Variants in TMTC2 observed in about 807,000 individuals in gnomAD.
The protein encoded by TMTC2 is transmembrane O-mannosyltransferase targeting cadherins 2, also known as protein O-mannosyl-transferase TMTC2.
A neutral mutation model predicts 82.4 loss-of-function variants in TMTC2; 43 were observed. That is an observed-to-expected ratio of 0.52 (90% CI 0.41 to 0.67). The LOEUF is 0.67. Ranked by LOEUF, TMTC2 falls within the 30% of genes least tolerant of loss-of-function variation. TMTC2 has a pLI of 0.00. For missense variants in TMTC2, 919 were observed against 1,012.4 expected (o/e 0.91, Z 1.25); for synonymous variants, 408 against 381.9 (o/e 1.07, Z -0.80).
chr12:83,000,292 G>A (rs1879860924), intron 8 of TMTC2, among the ~76,000 whole-genome samples: 1 of 152,048 alleles, frequency 6.6e-6, no homozygotes, highest in South Asian at 2.1e-4. Flanking sequence ...ATGCCACCAT[G>A]CCTAGCAAAT....
Position 82,687,304 on chromosome 12 carries a change from G to C in TMTC2, c.-283G>C. On this transcript the variant is annotated 5_prime_UTR_variant, in exon 1 of 12. Transcript: ENST00000321196. ...GAAAGACCAGCCCTGCGCTTCCGCC[G>C]GGGGACGCGGAGCCCAAACGCCGCT... 2.0e-6 allele frequency: 1 copy of C among 508,684 alleles called. No individual in the cohort carries two copies. The highest frequency in any genetic ancestry group is 3.6e-6 in the Non-Finnish European group (1 of 279,360). 31.5% of individuals were successfully genotyped at this position (508,684 alleles called of 1,614,324 possible). A position where few individuals can be genotyped will look rare whatever the true frequency, so the allele number is the denominator to read the frequency against.
chr12:82,854,488 C>A (rs1871150480), intron 1 of TMTC2, among the ~76,000 whole-genome samples: 1 of 151,910 alleles, frequency 6.6e-6, no homozygotes. Flanking sequence ...GGGAGGGGTG[C>A]AGGGGAAGAA....
intron 4 of TMTC2, among the ~76,000 whole-genome samples, chr12:82,942,112 A>G (rs1592644739): frequency 6.6e-6 from 1 of 152,204 alleles, no homozygotes; most frequent in Non-Finnish European, 1.5e-5. Flanking sequence ...CTTTCTTCCT[A>G]CCAAACCTTG....
chr12:82,703,417 T>C (rs1873177071), intron 1 of TMTC2, among the ~76,000 whole-genome samples: 1 of 152,050 alleles, frequency 6.6e-6, no homozygotes, highest in Admixed American at 6.6e-5. Context: ...AGAGGAGGGA[T>C]GATTCTAGGG....
chr12:82,735,974 C>T (rs1380727486), intron 1 of TMTC2, among the ~76,000 whole-genome samples: 2 of 15,106 alleles, frequency 1.3e-4, no homozygotes, highest in South Asian at 1.7e-3. Context: ...CTCCGTCACA[C>T]ACACACACAC....
intron 4 of TMTC2, among the ~76,000 whole-genome samples, chr12:82,960,046 G>C (rs755932218): frequency 2.0e-5 from 3 of 151,948 alleles, no homozygotes; most frequent in Non-Finnish European, 4.4e-5. Flanking sequence ...AGACATGAAA[G>C]CTGCCAACAA....
intron 2 of TMTC2, among the ~76,000 whole-genome samples, chr12:82,871,077 G>A (rs1872149361): frequency 6.6e-6 from 1 of 152,174 alleles, no homozygotes; most frequent in East Asian, 1.9e-4. Flanking sequence ...GTGGTAATGA[G>A]AACCACCATT....
chr12:82,690,336 A>G, intron 1 of TMTC2: 1 of 984,570 alleles, frequency 1.0e-6, no homozygotes, highest in Non-Finnish European at 1.2e-6. Context: ...CAGTTCTGTA[A>G]GGAGAGGCCA....
chr12:82,726,089 G>T (rs1038188251), intron 1 of TMTC2, among the ~76,000 whole-genome samples: 7 of 152,226 alleles, frequency 4.6e-5, no homozygotes, highest in Middle Eastern at 3.4e-3. Flanking sequence ...ATAAGGCAAA[G>T]AAACATGTTT....
chr12:82,931,610 T>G (rs568602761), intron 4 of TMTC2, among the ~76,000 whole-genome samples: 2 of 152,304 alleles, frequency 1.3e-5, no homozygotes, highest in South Asian at 4.1e-4. Context: ...TGGAAATTCC[T>G]GGGTTGACTA....
intron 7 of TMTC2, among the ~76,000 whole-genome samples, chr12:82,975,517 G>A (rs981587327): frequency 1.3e-5 from 2 of 152,154 alleles, no homozygotes; most frequent in African/African-American, 4.8e-5. Context: ...TTAATTATGG[G>A]AACGGGATTT....
intron 1 of TMTC2, among the ~76,000 whole-genome samples, chr12:82,813,664 G>A (rs1868525620): frequency 6.6e-6 from 1 of 151,994 alleles, no homozygotes; most frequent in Admixed American, 6.6e-5. Context: ...ACTGGCATGG[G>A]AAATTTCTTG....
intron 9 of TMTC2, among the ~76,000 whole-genome samples, chr12:83,045,124 C>A (rs2137446361): frequency 6.6e-6 from 1 of 152,164 alleles, no homozygotes; most frequent in East Asian, 1.9e-4. Flanking sequence ...TGAAACAGTT[C>A]AATACAAAAC....
intron 1 of TMTC2, among the ~76,000 whole-genome samples, chr12:82,754,513 T>C (rs1301755907): frequency 6.6e-6 from 1 of 152,080 alleles, no homozygotes; most frequent in Non-Finnish European, 1.5e-5. Context: ...GGCGGGTGGA[T>C]CACTTGAGGT....
At chr12:83,127,510 C>T (rs933173971) in intron 11 of TMTC2, among the ~76,000 whole-genome samples, 4 of 152,056 alleles carry the variant, frequency 2.6e-5, no homozygotes, top group African/African-American at 9.7e-5. Flanking sequence ...CAACCAAACG[C>T]TTTTCTCTTT....
At chr12:83,116,332 GTTGA>G (rs1884761153) in intron 11 of TMTC2, among the ~76,000 whole-genome samples, 1 of 151,998 alleles carries the variant, frequency 6.6e-6, no homozygotes, top group Non-Finnish European at 1.5e-5. Context: ...TTATCCACTC[GTTGA>G]TTGATAGGCA....
intron 8 of TMTC2, among the ~76,000 whole-genome samples, chr12:82,999,797 A>G (rs576099941): frequency 4.3e-4 from 66 of 152,264 alleles, no homozygotes; most frequent in African/African-American, 1.5e-3. Flanking sequence ...GAGCTACAAG[A>G]TGAGATTTGG....
intron 4 of TMTC2, among the ~76,000 whole-genome samples, chr12:82,931,127 G>A (rs1403508272): frequency 6.6e-6 from 1 of 151,952 alleles, no homozygotes; most frequent in Non-Finnish European, 1.5e-5. Flanking sequence ...CCAGACTGGT[G>A]CCTAACTCCT....
At chr12:82,700,932 G>C (rs977303760) in intron 1 of TMTC2, among the ~76,000 whole-genome samples, 1 of 152,152 alleles carries the variant, frequency 6.6e-6, no homozygotes, top group African/African-American at 2.4e-5. Context: ...ATGGAGGCAG[G>C]CAAGAGAGTA....
Sources: allele counts gnomAD v4.1 joint callset (sites outside exome capture counted in the v4.1 genomes callset), GRCh38; gene constraint gnomAD v4.1.1; transcripts MANE v1.5; gene names NCBI Gene and HGNC (gene_info 2026-07-23, HGNC 2026-07-21).